GCH1: variants seen among roughly 807,000 people sequenced by gnomAD.
GCH1 encodes GTP cyclohydrolase I.
In GCH1, 5 loss-of-function variants were observed where a neutral mutation model predicts 25.9. The observed-to-expected ratio is 0.19, with a 90% CI of 0.10 to 0.41. The LOEUF (loss-of-function observed/expected upper bound fraction) is 0.41, where lower values mean the gene tolerates loss of function less well. Ranked by LOEUF, GCH1 falls within the 10% of genes least tolerant of loss-of-function variation. GCH1 has a pLI of 1.00. For missense variants in GCH1, 261 were observed against 336.5 expected (o/e 0.78, Z 1.75); for synonymous variants, 159 against 129.6 (o/e 1.23, Z -1.54).
intron 1 of GCH1, among the ~76,000 whole-genome samples, chr14:54,874,205 T>C (rs1190215088): frequency 2.0e-5 from 3 of 152,198 alleles, no homozygotes; most frequent in African/African-American, 7.2e-5. Flanking sequence ...AATCAATAAA[T>C]GTAATCCAGC....
chr14:54,848,622 C>T (rs1385295273), intron 3 of GCH1, among the ~76,000 whole-genome samples: 1 of 152,112 alleles, frequency 6.6e-6, no homozygotes, highest in African/African-American at 2.4e-5. Context: ...CTTCCCCCAA[C>T]TACACGTCTC....
chr14:54,884,494 G>A (rs2040318368), intron 1 of GCH1, among the ~76,000 whole-genome samples: 1 of 152,140 alleles, frequency 6.6e-6, no homozygotes, highest in Non-Finnish European at 1.5e-5. Flanking sequence ...AGTAGGCCGG[G>A]CGCAGTGGCT....
intron 1 of GCH1, chr14:54,885,122 C>A: frequency 3.6e-6 from 1 of 279,404 alleles, no homozygotes; most frequent in South Asian, 4.5e-5. Flanking sequence ...CAAACTCTGC[C>A]AGTGGTGACA....
chr14:54,844,600 T>C (rs532408675), intron 5 of GCH1, among the ~76,000 whole-genome samples: 2 of 152,304 alleles, frequency 1.3e-5, no homozygotes, highest in South Asian at 2.1e-4. Context: ...TATACTGATG[T>C]CACCAGGCAG....
At chr14:54,863,190 C>T (rs28481447) in intron 2 of GCH1, among the ~76,000 whole-genome samples, 7,462 of 151,864 alleles carry the variant, frequency 0.049, 677 homozygotes, top group African/African-American at 0.17. Context: ...GAGGCCAAGG[C>T]GGGCGGATCA....
At position 54,842,725 on chromosome 14, in the gene GCH1, G is replaced by C. The variant is rs2039576971; in HGVS notation, c.*1292C>G. On this transcript the variant is annotated 3_prime_UTR_variant, in exon 6 of 6. Coordinates refer to ENST00000491895, the MANE Select transcript of GCH1 (RefSeq NM_000161.3). Reference sequence around the variant, plus strand: ...TGTCAACCAAATACTAAACTTCATGGAATAACTGTGTTTGTGTTTCTGTGG... The same window carrying C: ...TGTCAACCAAATACTAAACTTCATGCAATAACTGTGTTTGTGTTTCTGTGG... 2 of 326,018 alleles carry C rather than the reference G, an allele frequency of 6.1e-6. No homozygotes were observed. Among genetic ancestry groups the C allele is most frequent in the Non-Finnish European group, 5.5e-6 (1 of 181,154 alleles). 20.2% of individuals were successfully genotyped at this position (326,018 alleles called of 1,614,324 possible).
chr14:54,868,831 A>T (rs988806216), intron 1 of GCH1, among the ~76,000 whole-genome samples: 4 of 151,948 alleles, frequency 2.6e-5, no homozygotes, highest in Non-Finnish European at 4.4e-5. Context: ...CGATCTCCTG[A>T]CCTCGTGATC....
chr14:54,884,278 C>G (rs2040314720), intron 1 of GCH1, among the ~76,000 whole-genome samples: 1 of 151,862 alleles, frequency 6.6e-6, no homozygotes, highest in Non-Finnish European at 1.5e-5. Context: ...AAAATTTTAC[C>G]CAGGCCTAAA....
In GCH1 at chr14:54,870,817, G is replaced by A. The variant is rs2040063316; in HGVS notation, c.344-5381C>T. ...GGCTGGGGGAGGGGCACCCGCCATT[G>A]CCGAGGCTTGAGTAGGTAAACAAAG... On this transcript the variant is annotated intron_variant, in intron 1 of 5. Coordinates refer to ENST00000491895, the MANE Select transcript of GCH1 (RefSeq NM_000161.3). 2.6e-5 allele frequency among the ~76,000 whole-genome samples: 4 copies of A among 152,352 alleles called. No individual in the cohort carries two copies. The South Asian group carries it at 6.2e-4, about 24-fold the overall frequency.
chr14:54,875,168 G>A (rs944898235), intron 1 of GCH1, among the ~76,000 whole-genome samples: 4 of 152,138 alleles, frequency 2.6e-5, no homozygotes, highest in Admixed American at 1.3e-4. Context: ...AAGTAATGCC[G>A]CATATCTACA....
chr14:54,855,593 C>T (rs1253328747), intron 3 of GCH1, among the ~76,000 whole-genome samples: 1 of 148,730 alleles, frequency 6.7e-6, no homozygotes, highest in East Asian at 2.1e-4. Context: ...GCAGGCTGAT[C>T]ACTTGAGGCC....
intron 1 of GCH1, chr14:54,885,886 C>T (rs1388301191): frequency 5.5e-6 from 1 of 183,028 alleles, no homozygotes; most frequent in Non-Finnish European, 1.1e-5. Context: ...TAGGCTCCAT[C>T]TCAAAAAACA....
chr14:54,845,334 C>A (rs536252170), intron 5 of GCH1, among the ~76,000 whole-genome samples: 2 of 148,358 alleles, frequency 1.3e-5, no homozygotes, highest in African/African-American at 5.0e-5. Flanking sequence ...AAAAATTAGC[C>A]GGGCATGGTG....
In GCH1 at chr14:54,876,732, G is replaced by A. The variant is rs1003809187; in HGVS notation, c.344-11296C>T. ...GTATGTAGCCTTTTGTGTAATGAAA[G>A]TGGAAGGAGGAGCTATGAACATATG... On this transcript the variant is annotated intron_variant, in intron 1 of 5. Coordinates refer to ENST00000491895, the MANE Select transcript of GCH1 (RefSeq NM_000161.3). 2.6e-5 allele frequency among the ~76,000 whole-genome samples: 4 copies of A among 152,078 alleles called. No individual in the cohort carries two copies. In the East Asian group the frequency reaches 7.7e-4, roughly 29 times the overall value.
At chr14:54,860,730 G>A (rs1228222608) in intron 2 of GCH1, among the ~76,000 whole-genome samples, 1 of 151,934 alleles carries the variant, frequency 6.6e-6, no homozygotes, top group South Asian at 2.1e-4. Flanking sequence ...TAGTAGAGAT[G>A]GTGTTTCACC....
chr14:54,869,632 C>T (rs536309951), intron 1 of GCH1, among the ~76,000 whole-genome samples: 8 of 152,274 alleles, frequency 5.3e-5, no homozygotes, highest in Admixed American at 2.0e-4. Context: ...AGACACATAC[C>T]ACCACGCCCA....
At chr14:54,879,750 A>G (rs993418770) in intron 1 of GCH1, among the ~76,000 whole-genome samples, 5 of 152,132 alleles carry the variant, frequency 3.3e-5, no homozygotes, top group African/African-American at 1.2e-4. Context: ...CTGTAATCCC[A>G]GCACGTTCGG....
intron 1 of GCH1, among the ~76,000 whole-genome samples, chr14:54,890,434 G>T (rs1485860348): frequency 6.6e-6 from 1 of 152,212 alleles, no homozygotes; most frequent in Non-Finnish European, 1.5e-5. Context: ...GGAGGTGGAG[G>T]TTGCGGTGAG....
chr14:54,845,837 G>A lies in GCH1; in HGVS notation c.557C>T (p.Thr186Ile). 6.2e-7 allele frequency: 1 copy of A among 1,603,982 alleles called. No individual in the cohort carries two copies. The highest frequency in any genetic ancestry group is 8.5e-7 in the Non-Finnish European group (1 of 1,170,700). The change falls in exon 5 of 6, where the codon ACA (threonine) becomes ATA (isoleucine). Residue 186 changes from threonine (T) to isoleucine (I), a missense_variant. By Grantham distance (89) the Thr-to-Ile change is moderately conservative. Around this residue, in one of 3 missense-constraint regions of GCH1, gnomAD observed 130 missense variants for 184.1 expected, o/e 0.71. Transcript: ENST00000491895. ...CGTGATTGCTACAGCAATTTGTTTT[G>A]TAAGGCGCTCCTGAACTGTGGATGT... is the stretch of plus-strand genomic sequence containing the variant. The part of the protein sequence containing the change: ...SRRLQVQERL[T>I]KQIAVAITEA...
Sources: allele counts gnomAD v4.1 joint callset (sites outside exome capture counted in the v4.1 genomes callset), GRCh38; gene constraint gnomAD v4.1.1; regional missense constraint gnomAD v4.1.1; transcripts MANE v1.5; gene names NCBI Gene and HGNC (gene_info 2026-07-23, HGNC 2026-07-21).